The following ZFYVE26 variants were observed in gnomAD, a reference collection of about 807,000 sequenced individuals.
ZFYVE26 encodes zinc finger FYVE domain-containing protein 26.
A neutral mutation model predicts 276.5 loss-of-function variants in ZFYVE26; 181 were observed. The ratio of observed to expected loss-of-function variants is 0.65; its 90% confidence interval spans 0.58 to 0.74. The LOEUF is 0.74. ZFYVE26 is among the 30% of genes least tolerant of loss of function. ZFYVE26 has a pLI of 0.00. For missense variants in ZFYVE26, 2,821 were observed against 3,097.9 expected (o/e 0.91, Z 2.12); for synonymous variants, 1,129 against 1,203.1 (o/e 0.94, Z 1.27).
At chr14:67,812,093 TA>T (rs1305418697) in intron 3 of ZFYVE26, among the ~76,000 whole-genome samples, 2 of 152,150 alleles carry the variant, frequency 1.3e-5, no homozygotes. Context: ...TACTTTTTTC[TA>T]AACTGCCTTT....
chr14:67,788,324 A>G (rs1177873346), intron 16 of ZFYVE26, among the ~76,000 whole-genome samples: 1 of 152,208 alleles, frequency 6.6e-6, no homozygotes, highest in Non-Finnish European at 1.5e-5. Context: ...GGGAGGTGGA[A>G]GTTGCAGTGA....
chr14:67,755,731 A>C (rs1594885733), intron 36 of ZFYVE26, among the ~76,000 whole-genome samples: 1 of 152,332 alleles, frequency 6.6e-6, no homozygotes, highest in East Asian at 1.9e-4. Context: ...TTTCTGAAGA[A>C]TGCCTTTATT....
At chr14:67,776,527 G>T (rs375669490) in intron 25 of ZFYVE26, among the ~76,000 whole-genome samples, 1 of 152,186 alleles carries the variant, frequency 6.6e-6, no homozygotes, top group East Asian at 1.9e-4. Context: ...GCCTGCTCAC[G>T]CCTGGCCTGG....
chr14:67,755,235 C>T lies in ZFYVE26; in HGVS notation c.6802G>A (p.Ala2268Thr), dbSNP rs199942594. 32 of 1,613,994 alleles carry T rather than the reference C, an allele frequency of 2.0e-5. No individual in the cohort carries two copies. Among genetic ancestry groups the T allele is most frequent in the Middle Eastern group, 3.3e-4 (2 of 6,084 alleles). ...CTGAAGAACCGAATACAGGTCATGG[C>T]GGCCCGAACTTGGTCCTAGAAGAGG... ...QQFMKDQVRA[A>T]MTCIRFFSHK... is the part of the protein sequence containing the mutation. Residue 2268 changes from alanine to threonine, a missense_variant, in exon 37 of 42, where the codon GCC (alanine) becomes ACC (threonine). Transcript: ENST00000347230.
intron 13 of ZFYVE26, chr14:67,735,046 A>G: frequency 1.5e-6 from 1 of 663,614 alleles, no homozygotes; most frequent in Admixed American, 2.2e-5. Flanking sequence ...AGATTATTAG[A>G]TGCACTTACA....
At chr14:67,808,282 A>G (rs939905385) in intron 4 of ZFYVE26, among the ~76,000 whole-genome samples, 2 of 152,204 alleles carry the variant, frequency 1.3e-5, no homozygotes, top group Admixed American at 6.5e-5. Flanking sequence ...CTCACAGACC[A>G]GGTAAGACAT....
downstream of ZFYVE26, among the ~76,000 whole-genome samples, chr14:67,742,838 C>CTTT (rs71446342): frequency 7.7e-4 from 69 of 89,758 alleles, 1 homozygote; most frequent in East Asian, 5.9e-3. Flanking sequence ...TCTTCTTCTT[C>CTTT]TTTTTTTTTT....
chr14:67,775,716 A>G, intron 26 of ZFYVE26, 144 bp downstream of exon 26: 6 of 1,212,992 alleles, frequency 4.9e-6, no homozygotes, highest in Non-Finnish European at 7.1e-6. Context: ...TCTCTCCTAT[A>G]TAATAAAGAG....
intron 4 of ZFYVE26, 82 bp downstream of exon 4, chr14:67,809,118 C>A: frequency 8.4e-7 from 1 of 1,185,890 alleles, no homozygotes; most frequent in South Asian, 1.2e-5. Flanking sequence ...ATCTTGGAGA[C>A]CTCTCTCTTC....
chr14:67,779,860 A>C (rs1186818214), intron 23 of ZFYVE26, among the ~76,000 whole-genome samples: 3 of 152,138 alleles, frequency 2.0e-5, no homozygotes, highest in Non-Finnish European at 4.4e-5. Context: ...ATAAAAAAGA[A>C]TGTGGTATAG....
chr14:67,746,763 A>AT lies in ZFYVE26; in HGVS notation c.*1672dup, dbSNP rs1456311046. The AT allele has an allele frequency of 6.6e-6, 1 of 152,648 alleles. No individual in the cohort carries two copies. Among genetic ancestry groups the AT allele is most frequent in the African/African-American group, 2.4e-5 (1 of 41,446 alleles). The allele number at this position is 152,648 out of a possible 1,614,324, so 9.5% of individuals were successfully genotyped here. The stretch of plus-strand genomic sequence containing the variant: ...TTAAGGGCTGCAAGATTTGTGACCC[A>AT]TTAGTATAAAGTGCTTATGTTCAGT... On this transcript the variant is annotated 3_prime_UTR_variant, in exon 42 of 42. Transcript: ENST00000347230.
At chr14:67,768,784 C>T (rs1193155493) in intron 29 of ZFYVE26, among the ~76,000 whole-genome samples, 8 of 152,208 alleles carry the variant, frequency 5.3e-5, no homozygotes, top group East Asian at 1.9e-4. Flanking sequence ...GCTAGGGTCA[C>T]GGAAACTGTA....
rs1185489058 is a variant in ZFYVE26, at chr14:67,762,785, C to T, written c.6046G>A (p.Val2016Ile). Residue 2016 changes from valine to isoleucine, a missense_variant, in exon 33 of 42, where the codon GTT (valine) becomes ATT (isoleucine). Val to Ile is a conservative substitution (Grantham distance 29, BLOSUM62 3). Coordinates refer to ENST00000347230, the MANE Select transcript of ZFYVE26 (RefSeq NM_015346.4). ...GGCACGTGGCGATAGGCAGCAGCAA[C>T]TAAAATATTCAGCACATCTACCTTG... is the stretch of plus-strand genomic sequence containing the variant. ...ISKVDVLNILVAAAYRHVPSL... is the reference protein window; with the variant it reads ...ISKVDVLNILIAAAYRHVPSL... The T allele has an allele frequency of 5.0e-6, 8 of 1,614,070 alleles. No individual in the cohort carries two copies. Among genetic ancestry groups the T allele is most frequent in the East Asian group, 2.2e-5 (1 of 44,898 alleles).
chr14:67,748,685 C>G (rs1407349675), intron 41 of ZFYVE26, 46 bp from the exon 42 acceptor site: 1 of 1,603,136 alleles, frequency 6.2e-7, no homozygotes. Context: ...CCATCACCGA[C>G]AAATCAAGTA....
intron 39 of ZFYVE26, 49 bp downstream of exon 39, chr14:67,753,658 G>A: frequency 6.4e-7 from 1 of 1,573,216 alleles, no homozygotes; most frequent in Non-Finnish European, 8.7e-7. Context: ...CCGGAACTGT[G>A]GTCAGGTGCT....
intron 23 of ZFYVE26, among the ~76,000 whole-genome samples, chr14:67,779,302 C>T (rs1171982526): frequency 6.6e-6 from 1 of 152,158 alleles, no homozygotes; most frequent in African/African-American, 2.4e-5. Context: ...GTAGCTCATG[C>T]CTGTAATCCC....
chr14:67,761,217 C>A, intron 35 of ZFYVE26, 149 bp downstream of exon 35: 1 of 762,576 alleles, frequency 1.3e-6, no homozygotes, highest in South Asian at 1.5e-5. Flanking sequence ...TGTGCAGAGT[C>A]CCCTGTTTTG....
At chr14:67,800,924 T>TAAAAATAAATAAATAAATAA (rs59890733) in intron 10 of ZFYVE26, among the ~76,000 whole-genome samples, 6 of 148,620 alleles carry the variant, frequency 4.0e-5, no homozygotes, top group African/African-American at 1.5e-4. Context: ...AAAGTTACCG[T>TAAAAATAAATAAATAAATAA]ATAAATAAAT....
At chr14:67,788,138 C>G (rs1043444325) in intron 16 of ZFYVE26, among the ~76,000 whole-genome samples, 1 of 151,786 alleles carries the variant, frequency 6.6e-6, no homozygotes, top group Non-Finnish European at 1.5e-5. Context: ...CGCCTATAAT[C>G]CCAGCACTTT....
Sources: allele counts gnomAD v4.1 joint callset (sites outside exome capture counted in the v4.1 genomes callset), GRCh38; gene constraint gnomAD v4.1.1; transcripts MANE v1.5; gene names NCBI Gene and HGNC (gene_info 2026-07-23, HGNC 2026-07-21).